The following MORC1 variants were observed in gnomAD, a reference collection of about 807,000 sequenced individuals.
MORC1 encodes MORC family CW-type zinc finger protein 1.
A neutral mutation model predicts 134.9 loss-of-function variants in MORC1; 59 were observed. That is an observed-to-expected ratio of 0.44 (90% CI 0.35 to 0.54). The LOEUF (loss-of-function observed/expected upper bound fraction) is 0.54. Ranked by LOEUF, MORC1 falls within the 20% of genes least tolerant of loss-of-function variation. The pLI, the probability that MORC1 is intolerant of heterozygous loss-of-function variation, is 0.00. For synonymous variants in MORC1, 395 were observed against 391.7 expected (o/e 1.01, Z -0.10); for missense variants, 947 against 1,134.5 (o/e 0.83, Z 2.37).
chr3:109,007,934 C>CAT lies in MORC1; in HGVS notation c.1705-845_1705-844dup, dbSNP rs199775913. 1.4e-4 allele frequency among the ~76,000 whole-genome samples: 20 copies of CAT among 139,158 alleles called. No individual in the cohort carries two copies. The South Asian group carries it at 2.1e-3, about 14-fold the overall frequency. 91.3% of individuals were successfully genotyped at this position (139,158 alleles called of 152,430 possible). On this transcript the variant is annotated intron_variant, in intron 17 of 27. Transcript: ENST00000232603. Reference sequence around the variant, plus strand: ...TGTGTTTATATAGCATATATAAGCACATATATATGTGTGTGTGTGTGTGTG... The same window carrying CAT: ...TGTGTTTATATAGCATATATAAGCACATATATATATGTGTGTGTGTGTGTGTG...
intron 26 of MORC1, among the ~76,000 whole-genome samples, chr3:108,968,961 T>TC (rs372028097): frequency 1.1e-3 from 165 of 151,968 alleles, no homozygotes; most frequent in African/African-American, 3.8e-3. Flanking sequence ...CAGGGTTTTT[T>TC]TTTTTATTAT....
At chr3:109,037,479 A>T (rs4855683) in intron 14 of MORC1, among the ~76,000 whole-genome samples, 72,428 of 152,130 alleles carry the variant, frequency 0.48, 20,389 homozygotes, top group East Asian at 0.91. Context: ...TCTAGGGTAC[A>T]TGTGCACAAC....
chr3:109,082,908 C>A (rs1950549229), intron 8 of MORC1, among the ~76,000 whole-genome samples: 1 of 151,968 alleles, frequency 6.6e-6, no homozygotes, highest in Admixed American at 6.6e-5. Flanking sequence ...GAGAAAGAGA[C>A]CAATATCCAG....
chr3:108,972,024 G>A (rs1947397523), intron 24 of MORC1, among the ~76,000 whole-genome samples: 1 of 152,112 alleles, frequency 6.6e-6, no homozygotes, highest in African/African-American at 2.4e-5. Context: ...CTTTTTTCCT[G>A]AGAAAAACCA....
At chr3:109,060,326 G>A (rs920659285) in intron 11 of MORC1, among the ~76,000 whole-genome samples, 47 of 150,576 alleles carry the variant, frequency 3.1e-4, no homozygotes, top group African/African-American at 1.1e-3. Context: ...CCTTCATATC[G>A]AATTCTGGAT....
chr3:108,959,171 T>C (rs768395791), intron 27 of MORC1, 51 bp from the exon 28 acceptor site: 5 of 1,479,136 alleles, frequency 3.4e-6, no homozygotes, highest in East Asian at 2.6e-5. Context: ...GCAGAGCTTA[T>C]TCCTGTAATT....
chr3:108,984,593 G>T, intron 23 of MORC1, 123 bp downstream of exon 23: 1 of 654,440 alleles, frequency 1.5e-6, no homozygotes, highest in South Asian at 2.1e-5. Context: ...TGTAAAATTT[G>T]GTTCCATTCT....
intron 8 of MORC1, among the ~76,000 whole-genome samples, chr3:109,091,524 G>C (rs912709576): frequency 2.6e-5 from 4 of 151,974 alleles, no homozygotes; most frequent in African/African-American, 4.8e-5. Flanking sequence ...GTGATGGGGA[G>C]GAGACAGTAG....
At chr3:108,977,522 G>GC (rs1469531285) in intron 24 of MORC1, among the ~76,000 whole-genome samples, 2 of 152,022 alleles carry the variant, frequency 1.3e-5, no homozygotes, top group African/African-American at 4.8e-5. Flanking sequence ...TGGTGTGATA[G>GC]CTACTATTAT....
intron 17 of MORC1, among the ~76,000 whole-genome samples, chr3:109,017,663 T>C (rs967909305): frequency 6.6e-6 from 1 of 152,224 alleles, no homozygotes; most frequent in Non-Finnish European, 1.5e-5. Context: ...TTTGATTGAA[T>C]TTTTGTAAAA....
intron 20 of MORC1, among the ~76,000 whole-genome samples, chr3:109,000,956 A>C (rs764155068): frequency 4.5e-4 from 68 of 152,130 alleles, no homozygotes; most frequent in Non-Finnish European, 8.8e-4. Context: ...ATTTACTACA[A>C]GTAATCTTCG....
At chr3:109,065,262 ACTT>A (rs56184112) in intron 9 of MORC1, among the ~76,000 whole-genome samples, 30,912 of 151,880 alleles carry the variant, frequency 0.2, 3,475 homozygotes, top group Middle Eastern at 0.33. Flanking sequence ...CAATACAGCC[ACTT>A]CTTCTTGTCA....
rs538847815 is a variant in MORC1, at chr3:109,080,437, A to G, written c.690-10680T>C. On this transcript the variant is annotated intron_variant, in intron 8 of 27. Coordinates refer to ENST00000232603, the MANE Select transcript of MORC1 (RefSeq NM_014429.4). ...CTCCCACAACATATGGGATTTCAAG[A>G]TGAGATCTGGGTGGGGACACAGCCA... Among the ~76,000 whole-genome samples, 177 of 152,290 alleles carry G rather than the reference A, an allele frequency of 1.2e-3. 1 individual carries two copies. The highest frequency in any genetic ancestry group is 4.1e-3 in the African/African-American group (169 of 41,558).
At position 109,049,495 on chromosome 3, in the gene MORC1, C is replaced by T. The variant is rs144429914; in HGVS notation, c.1330+5233G>A. 1.8e-3 allele frequency among the ~76,000 whole-genome samples: 272 copies of T among 152,028 alleles called. 6 individuals are homozygous for T. The highest frequency in any genetic ancestry group is 6.3e-3 in the African/African-American group (261 of 41,458). ...TAGAGAAAATACTAGCCAGACTTTACGTAAATCTGGGAATATAACACATTA... is the reference window on the plus strand; with the variant it reads ...TAGAGAAAATACTAGCCAGACTTTATGTAAATCTGGGAATATAACACATTA... On this transcript the variant is annotated intron_variant, in intron 14 of 27. Transcript: ENST00000232603.
chr3:109,053,119 A>AG (rs1224745439), intron 14 of MORC1, among the ~76,000 whole-genome samples: 1 of 152,102 alleles, frequency 6.6e-6, no homozygotes, highest in Non-Finnish European at 1.5e-5. Flanking sequence ...AAAAAAAAAA[A>AG]AAAAATGTTG....
At chr3:109,080,296 G>A (rs1234737705) in intron 8 of MORC1, among the ~76,000 whole-genome samples, 1 of 152,152 alleles carries the variant, frequency 6.6e-6, no homozygotes, top group Non-Finnish European at 1.5e-5. Context: ...AAGAGAGAGA[G>A]AGTTTATGCA....
chr3:109,004,768 C>T, intron 20 of MORC1, 49 bp downstream of exon 20: 1 of 1,525,152 alleles, frequency 6.6e-7, no homozygotes, highest in Non-Finnish European at 9.0e-7. Flanking sequence ...AAGGTTTATC[C>T]TATATGAATA....
intron 8 of MORC1, among the ~76,000 whole-genome samples, chr3:109,075,762 T>C (rs1021518574): frequency 2.6e-5 from 4 of 152,066 alleles, no homozygotes; most frequent in African/African-American, 9.7e-5. Flanking sequence ...TTGCCTAGGA[T>C]TGTCTTGGCT....
chr3:109,004,298 T>G (rs938755399), intron 20 of MORC1, among the ~76,000 whole-genome samples: 1 of 152,214 alleles, frequency 6.6e-6, no homozygotes, highest in African/African-American at 2.4e-5. Context: ...TAAGGTCGAA[T>G]TTAATTTGTG....
Sources: gnomAD v4.1 joint callset for allele counts (sites outside exome capture counted in the v4.1 genomes callset) on GRCh38, gnomAD v4.1.1 for gene constraint, MANE v1.5 for transcripts, NCBI Gene and HGNC (gene_info 2026-07-23, HGNC 2026-07-21) for gene names.